The following ITCH variants were observed in gnomAD, a reference collection of about 807,000 sequenced individuals.
The protein encoded by ITCH is E3 ubiquitin-protein ligase Itchy homolog.
A neutral mutation model predicts 126.8 loss-of-function variants in ITCH; 28 were observed. The ratio of observed to expected loss-of-function variants is 0.22; its 90% CI spans 0.16 to 0.30. ITCH has a LOEUF of 0.30. Among genes scored for constraint, ITCH ranks in the 10% least tolerant of loss-of-function variants. ITCH has a pLI of 1.00. For missense variants in ITCH, 631 were observed against 1,032.4 expected (o/e 0.61, Z 5.33); for synonymous variants, 342 against 340.0 (o/e 1.01, Z -0.06).
At chr20:34,473,957 A>T (rs1389384568) in intron 16 of ITCH, among the ~76,000 whole-genome samples, 1 of 152,244 alleles carries the variant, frequency 6.6e-6, no homozygotes, top group African/African-American at 2.4e-5. Flanking sequence ...GCCAGGTTAG[A>T]TCTCTGCCTT....
chr20:34,507,715 C>A lies in ITCH; in HGVS notation c.2510C>A (p.Pro837Gln). 1 of 1,613,786 alleles carries A rather than the reference C, an allele frequency of 6.2e-7. No homozygotes were observed. The highest frequency in any genetic ancestry group is 1.1e-5 in the South Asian group (1 of 91,078). ...SHTCFNRLDLPPYKSYEQLKE... is the reference protein window; with the variant it reads ...SHTCFNRLDLQPYKSYEQLKE... ...TTTAGTTTTAATCGCCTGGACCTGCCACCATACAAGAGCTATGAGCAACTG... is the reference window on the plus strand; with the variant it reads ...TTTAGTTTTAATCGCCTGGACCTGCAACCATACAAGAGCTATGAGCAACTG... The change falls in exon 25 of 25, where the codon CCA becomes CAA. Residue 837 changes from proline to glutamine, a missense_variant. Transcript: ENST00000374864.
At chr20:34,472,045 G>A (rs1199156302) in intron 16 of ITCH, among the ~76,000 whole-genome samples, 1 of 152,128 alleles carries the variant, frequency 6.6e-6, no homozygotes, top group Non-Finnish European at 1.5e-5. Context: ...GTTTTCAGAA[G>A]TAGTCAGCAG....
intron 2 of ITCH, among the ~76,000 whole-genome samples, chr20:34,375,947 A>G (rs998917307): frequency 7.9e-5 from 12 of 152,046 alleles, no homozygotes; most frequent in East Asian, 3.9e-4. Context: ...TTGGCTTACT[A>G]TTGACCTTGG....
intron 3 of ITCH, among the ~76,000 whole-genome samples, chr20:34,405,591 C>T (rs1469654622): frequency 6.6e-6 from 1 of 151,920 alleles, no homozygotes. Context: ...GCTCTTTGTT[C>T]TAGGTTTAAT....
intron 16 of ITCH, chr20:34,476,150 T>G (rs1021350185): frequency 2.9e-5 from 24 of 814,542 alleles, no homozygotes; most frequent in Non-Finnish European, 4.2e-5. Context: ...CAAGCCAGAG[T>G]TCCCTCACAT....
rs564799220 is a variant in ITCH, at chr20:34,509,189, C to A, written c.*1395C>A. 1 of 152,624 alleles carries A rather than the reference C, an allele frequency of 6.6e-6. No individual in the cohort carries two copies. Among genetic ancestry groups the A allele is most frequent in the African/African-American group, 2.4e-5 (1 of 41,522 alleles). The allele number at this position is 152,624 out of a possible 1,614,324, so 9.5% of individuals were successfully genotyped here. ...TAACTGATTAATGCACTTTGAAGTT[C>A]TCTGGAATTAATTATTTTAACTTGG... is the stretch of plus-strand genomic sequence containing the variant. On this transcript the variant is annotated 3_prime_UTR_variant, in exon 25 of 25. Coordinates refer to ENST00000374864, the MANE Select transcript of ITCH (RefSeq NM_031483.7).
chr20:34,503,273 C>A (rs1189389359), intron 23 of ITCH, among the ~76,000 whole-genome samples: 1 of 152,022 alleles, frequency 6.6e-6, no homozygotes, highest in African/African-American at 2.4e-5. Context: ...TCACACATTA[C>A]AGAACAGTTA....
At chr20:34,455,373 C>A (rs1476317610) in intron 12 of ITCH, among the ~76,000 whole-genome samples, 1 of 152,032 alleles carries the variant, frequency 6.6e-6, no homozygotes, top group Non-Finnish European at 1.5e-5. Context: ...TTGAAGAATT[C>A]ATTGGTAATG....
intron 16 of ITCH, among the ~76,000 whole-genome samples, 158 bp downstream of exon 16, chr20:34,471,673 G>GGTGTGTGTGTGTGT (rs10606931): frequency 2.2e-4 from 15 of 69,376 alleles, no homozygotes; most frequent in African/African-American, 7.0e-4. Flanking sequence ...GGGCTTAAGG[G>GGTGTGTGTGTGTGT]GTGTGTGTGT....
At chr20:34,471,025 A>G (rs1044617882) in intron 15 of ITCH, among the ~76,000 whole-genome samples, 2 of 152,178 alleles carry the variant, frequency 1.3e-5, no homozygotes, top group African/African-American at 4.8e-5. Flanking sequence ...TTATGTATAG[A>G]TATTTACTGG....
chr20:34,389,321 A>G (rs771769566), intron 2 of ITCH, among the ~76,000 whole-genome samples: 2 of 152,048 alleles, frequency 1.3e-5, no homozygotes, highest in East Asian at 1.9e-4. Flanking sequence ...CCTGGCCTCA[A>G]TCTGTGTGTG....
At chr20:34,442,019 C>T (rs1043654803) in intron 9 of ITCH, 189 bp from the exon 10 acceptor site, 8 of 615,358 alleles carry the variant, frequency 1.3e-5, no homozygotes, top group Non-Finnish European at 2.1e-5. Flanking sequence ...ATTGAATTCA[C>T]TGTGTGCCAC....
chr20:34,489,972 T>G lies in ITCH; in HGVS notation c.2319+46T>G, dbSNP rs562489705. The G allele has an allele frequency of 2.1e-6, 3 of 1,453,696 alleles. No individual in the cohort carries two copies. The South Asian group carries it at 3.4e-5, about 17-fold the overall frequency. 90.0% of individuals were successfully genotyped at this position (1,453,696 alleles called of 1,614,324 possible). ...CTATTAGTTGACACAGCATAATTTT[T>G]TAGAATTTGCTTACCACATATGGAA... is the stretch of plus-strand genomic sequence containing the variant. On this transcript the variant is annotated intron_variant, in intron 22 of 24. Transcript: ENST00000374864.
chr20:34,499,271 G>GTT (rs1569007842), intron 23 of ITCH, among the ~76,000 whole-genome samples: 2 of 40,840 alleles, frequency 4.9e-5, no homozygotes, highest in East Asian at 7.0e-4. Flanking sequence ...ACTGTGCCCA[G>GTT]CTTTTTTTTT....
intron 6 of ITCH, among the ~76,000 whole-genome samples, chr20:34,421,261 C>G (rs1980727310): frequency 6.6e-6 from 1 of 152,172 alleles, no homozygotes; most frequent in African/African-American, 2.4e-5. Context: ...ACTTCAGGTG[C>G]TCACCACCAT....
At chr20:34,476,486 G>T in intron 16 of ITCH, 1 of 1,209,416 alleles carries the variant, frequency 8.3e-7, no homozygotes, top group South Asian at 4.1e-5. Context: ...GCCCGCGGTC[G>T]GGAACTCAAA....
At chr20:34,432,706 G>T (rs905887236) in intron 7 of ITCH, among the ~76,000 whole-genome samples, 15 of 152,102 alleles carry the variant, frequency 9.9e-5, no homozygotes, top group African/African-American at 3.6e-4. Context: ...TGTAATCCCA[G>T]TACCTTTGGG....
At chr20:34,497,420 G>T (rs2146538321) in intron 23 of ITCH, among the ~76,000 whole-genome samples, 1 of 152,270 alleles carries the variant, frequency 6.6e-6, no homozygotes, top group Admixed American at 6.5e-5. Flanking sequence ...TGCTGTATTG[G>T]TTACTATAGC....
At chr20:34,492,991 G>A (rs1029742671) in intron 23 of ITCH, among the ~76,000 whole-genome samples, 1 of 152,200 alleles carries the variant, frequency 6.6e-6, no homozygotes, top group African/African-American at 2.4e-5. Context: ...CTGGGAGACT[G>A]GGAGTTCTTT....
Sources: allele counts gnomAD v4.1 joint callset (sites outside exome capture counted in the v4.1 genomes callset), GRCh38; gene constraint gnomAD v4.1.1; transcripts MANE v1.5; gene names NCBI Gene and HGNC (gene_info 2026-07-23, HGNC 2026-07-21).